The following SNAP47 variants were observed in gnomAD, a reference collection of about 807,000 sequenced individuals.
SNAP47 encodes the protein synaptosomal-associated protein 47.
SNAP47 carries 20 observed loss-of-function variants against 31.4 expected under a neutral mutation model. The observed-to-expected ratio is 0.64, with a 90% confidence interval of 0.45 to 0.93. The LOEUF is 0.93. Among genes scored for constraint, SNAP47 ranks in the 40% least tolerant of loss-of-function variants. SNAP47 has a pLI of 0.00. For synonymous variants in SNAP47, 194 were observed against 213.4 expected (o/e 0.91, Z 0.79); for missense variants, 492 against 528.5 (o/e 0.93, Z 0.68).
intron 4 of SNAP47, among the ~76,000 whole-genome samples, chr1:227,771,437 C>T (rs1440115734): frequency 6.6e-6 from 1 of 152,070 alleles, no homozygotes; most frequent in Non-Finnish European, 1.5e-5. Flanking sequence ...TGCAGCCCAA[C>T]ATGCACACAG....
At chr1:227,736,680 G>GTTTTTTTTT (rs1558187372) in intron 1 of SNAP47, among the ~76,000 whole-genome samples, 1 of 126,514 alleles carries the variant, frequency 7.9e-6, no homozygotes, top group Non-Finnish European at 1.7e-5. Flanking sequence ...TTGTTTTTTT[G>GTTTTTTTTT]TTTTTGTTTT....
chr1:227,733,545 T>G (rs1571963811), upstream of SNAP47: 1 of 1,604,470 alleles, frequency 6.2e-7, no homozygotes, highest in Non-Finnish European at 8.5e-7. Context: ...GCTGGGGAGG[T>G]CACGTCGTAG....
At chr1:227,776,285 C>T in intron 4 of SNAP47, 9 of 1,010,198 alleles carry the variant, frequency 8.9e-6, no homozygotes, top group Non-Finnish European at 1.1e-5. Context: ...CTGGATTGTA[C>T]TGTCCTTCAA....
At chr1:227,734,792 T>G, upstream of SNAP47, 1 of 1,613,988 alleles carries the variant, frequency 6.2e-7, no homozygotes, top group Non-Finnish European at 8.5e-7. Context: ...GACCCCACAG[T>G]TTGCAACTGG....
chr1:227,737,280 G>C (rs1356638838), intron 1 of SNAP47, among the ~76,000 whole-genome samples: 1 of 152,248 alleles, frequency 6.6e-6, no homozygotes, highest in Admixed American at 6.5e-5. Flanking sequence ...TGCTCTGCGA[G>C]AGAGTGCAGA....
intron 1 of SNAP47, among the ~76,000 whole-genome samples, chr1:227,745,502 T>C (rs1027492842): frequency 3.9e-5 from 6 of 152,172 alleles, no homozygotes; most frequent in Admixed American, 2.0e-4. Context: ...CAGAGAGCAG[T>C]CTGGTGTGAA....
upstream of SNAP47, chr1:227,735,334 G>C: frequency 6.3e-7 from 1 of 1,598,684 alleles, no homozygotes; most frequent in African/African-American, 1.3e-5. Flanking sequence ...AAACGGTGAG[G>C]ACCAGCCTCG....
At position 227,766,956 on chromosome 1, in the gene SNAP47, C is replaced by T. The variant is rs1440272079; in HGVS notation, c.989-3C>T. The T allele has an allele frequency of 1.2e-6, 2 of 1,613,674 alleles. No individual in the cohort carries two copies. Among genetic ancestry groups the T allele is most frequent in the African/African-American group, 1.3e-5 (1 of 75,062 alleles). On this transcript the variant is annotated splice_polypyrimidine_tract_variant and splice_region_variant and intron_variant, in intron 3 of 4. Transcript: ENST00000617596. ...CACTGCTGACCATCTGCTCTCCTTG[C>T]AGCATCTGGGCTGATGGGCCGTACC...
At position 227,762,413 on chromosome 1, in the gene SNAP47, G is replaced by A. The variant is rs1441001543; in HGVS notation, c.988+2928G>A. Among the ~76,000 whole-genome samples the A allele has an allele frequency of 1.3e-5, 2 of 152,222 alleles. No individual in the cohort carries two copies. The highest frequency in any genetic ancestry group is 4.8e-5 in the African/African-American group (2 of 41,466). Reference sequence around the variant, plus strand: ...GCTCAGTAGTCTGTGGGGCACTTGTGGCTCTGAGGCCTTGCCTCTGCCTGC... The same window carrying A: ...GCTCAGTAGTCTGTGGGGCACTTGTAGCTCTGAGGCCTTGCCTCTGCCTGC... On this transcript the variant is annotated intron_variant, in intron 3 of 4. Coordinates refer to ENST00000617596, the MANE Select transcript of SNAP47 (RefSeq NM_053052.4). The surrounding 1 kb of genome is among the most constrained non-coding windows in gnomAD (Gnocchi z 4.2).
At chr1:227,767,189 T>A (rs1164274343) in intron 4 of SNAP47, 106 bp downstream of exon 4, 6 of 1,497,284 alleles carry the variant, frequency 4.0e-6, no homozygotes, top group Non-Finnish European at 5.4e-6. Context: ...CATCCATCCG[T>A]ATTGGCCTCG....
chr1:227,756,601 A>G (rs1305058616), intron 2 of SNAP47, among the ~76,000 whole-genome samples: 1 of 152,186 alleles, frequency 6.6e-6, no homozygotes, highest in African/African-American at 2.4e-5. Context: ...CAGTGCCCCG[A>G]TGGTGGTGGC....
chr1:227,747,987 G>T lies in SNAP47; in HGVS notation c.251G>T (p.Arg84Leu). ...GHAKHWFSSL[R>L]PSRNVVFSII... is the part of the protein sequence containing the mutation. ...GCCAAGCACTGGTTCAGCTCCCTGC[G>T]GCCAAGTCGAAATGTGGTCTTCAGC... is the stretch of plus-strand genomic sequence containing the variant. Residue 84 changes from arginine (R) to leucine (L), a missense_variant, in exon 2 of 5, where the codon CGG (arginine) becomes CTG (leucine). By Grantham distance (102) the Arg-to-Leu change is moderately radical. Transcript: ENST00000617596. 6.2e-7 allele frequency: 1 copy of T among 1,614,188 alleles called. No homozygotes were observed. Among genetic ancestry groups the T allele is most frequent in the African/African-American group, 1.3e-5 (1 of 75,046 alleles).
chr1:227,728,962 A>C (rs1660473768), intron 1 of SNAP47, among the ~76,000 whole-genome samples: 1 of 152,094 alleles, frequency 6.6e-6, no homozygotes, highest in Non-Finnish European at 1.5e-5. Flanking sequence ...GGCAGGCTGC[A>C]GAGGAAGGCC....
rs563950683 is a variant in SNAP47 at position 227,751,384 on chromosome 1, C to A, written c.497+3151C>A. Among the ~76,000 whole-genome samples the A allele has an allele frequency of 5.1e-4, 77 of 152,328 alleles. 2 individuals are homozygous for A. The South Asian group carries it at 0.015, about 30-fold the overall frequency. ...TGCACTCTCAGCTGATCCTCAGCAC[C>A]CCCATTCTTGTGTGCTGAGGAGCAC... is the stretch of plus-strand genomic sequence containing the variant. On this transcript the variant is annotated intron_variant, in intron 2 of 4. Coordinates refer to ENST00000617596, the MANE Select transcript of SNAP47 (RefSeq NM_053052.4).
chr1:227,766,886 C>G (rs947016353), intron 3 of SNAP47, 73 bp from the exon 4 acceptor site: 1 of 1,586,892 alleles, frequency 6.3e-7, no homozygotes, highest in Non-Finnish European at 8.6e-7. Context: ...AGACCACGCT[C>G]TGCCATCCAG....
chr1:227,747,978 G>A lies in SNAP47; in HGVS notation c.242G>A (p.Ser81Asn), dbSNP rs1662083104. 1.9e-6 allele frequency: 3 copies of A among 1,614,080 alleles called. No individual in the cohort carries two copies. In the South Asian group the frequency reaches 3.3e-5, roughly 18 times the overall value. ...AAGGGCCATGCCAAGCACTGGTTCAGCTCCCTGCGGCCAAGTCGAAATGTG... is the reference window on the plus strand; with the variant it reads ...AAGGGCCATGCCAAGCACTGGTTCAACTCCCTGCGGCCAAGTCGAAATGTG... ...LEKGHAKHWF[S>N]SLRPSRNVVF... is the part of the protein sequence containing the mutation. The change falls in exon 2 of 5, where the codon AGC (serine) becomes AAC (asparagine). Residue 81 changes from serine to asparagine, a missense_variant. Physicochemically the swap from Ser to Asn is conservative, Grantham distance 46 (BLOSUM62 1). Coordinates refer to ENST00000617596, the MANE Select transcript of SNAP47 (RefSeq NM_053052.4).
upstream of SNAP47, among the ~76,000 whole-genome samples, chr1:227,728,325 A>C (rs955103793): frequency 6.6e-6 from 1 of 151,106 alleles, no homozygotes; most frequent in Non-Finnish European, 1.5e-5. Flanking sequence ...CTGGGGCTGC[A>C]GGGCCGGTGC....
intron 2 of SNAP47, among the ~76,000 whole-genome samples, chr1:227,755,309 T>A (rs1457939531): frequency 6.6e-6 from 1 of 152,130 alleles, no homozygotes; most frequent in Non-Finnish European, 1.5e-5. Context: ...GCTTAAGTGA[T>A]CCTCCCACCT....
In SNAP47 at chr1:227,767,691, G is replaced by A. The variant is rs539385332; in HGVS notation, c.1113+608G>A. ...GGGCATGTGTATATGTGCATGTCTT[G>A]TGTGTGGAGCGTGCATGTACTGTAC... is the stretch of plus-strand genomic sequence containing the variant. On this transcript the variant is annotated intron_variant, in intron 4 of 4. Transcript: ENST00000617596. 7.0e-3 allele frequency among the ~76,000 whole-genome samples: 387 copies of A among 55,180 alleles called. 2 individuals are homozygous for A. The highest frequency in any genetic ancestry group is 0.023 in the South Asian group (48 of 2,102). 36.2% of individuals were successfully genotyped at this position (55,180 alleles called of 152,430 possible). A position where few individuals can be genotyped will look rare whatever the true frequency, so the allele number is the denominator to read the frequency against.
Sources: allele counts gnomAD v4.1 joint callset (sites outside exome capture counted in the v4.1 genomes callset), GRCh38; gene constraint gnomAD v4.1.1; non-coding constraint Gnocchi (gnomAD v3.1); transcripts MANE v1.5; gene names NCBI Gene and HGNC (gene_info 2026-07-23, HGNC 2026-07-21).